The following GRB10 variants were observed in gnomAD, a reference collection of about 807,000 sequenced individuals.
The protein encoded by GRB10 is growth factor receptor-bound protein 10.
In GRB10, 20 loss-of-function variants were observed where a neutral mutation model predicts 80.9. The ratio of observed to expected loss-of-function variants is 0.25; its 90% CI spans 0.17 to 0.36. GRB10 has a LOEUF of 0.36. GRB10 is among the 10% of genes least tolerant of loss of function. The pLI is 1.00. For synonymous variants in GRB10, 291 were observed against 291.5 expected, an observed-to-expected ratio of 1.00 and a Z score of 0.02; for missense variants, 548 against 747.7, an observed-to-expected ratio of 0.73 and a Z score of 3.12.
chr7:50,732,735 T>C (rs552187690), intron 3 of GRB10, among the ~76,000 whole-genome samples: 1 of 152,304 alleles, frequency 6.6e-6, no homozygotes, highest in South Asian at 2.1e-4. Context: ...CTTTCGCAAA[T>C]AGGGATTCAG....
intron 3 of GRB10, chr7:50,747,633 T>A (rs1420157291): frequency 6.6e-6 from 1 of 152,124 alleles, no homozygotes; most frequent in African/African-American, 2.4e-5. Context: ...CATGCAAGCA[T>A]GGAGCAGGGC....
chr7:50,663,217 C>T (rs79173637), intron 7 of GRB10, among the ~76,000 whole-genome samples: 632 of 152,188 alleles, frequency 4.2e-3, no homozygotes, highest in Non-Finnish European at 7.2e-3. Context: ...GGAAGTGGGA[C>T]CCCAGGCAGC....
intron 7 of GRB10, among the ~76,000 whole-genome samples, chr7:50,632,122 C>G (rs540601317): frequency 7.2e-4 from 110 of 151,898 alleles, no homozygotes; most frequent in African/African-American, 2.5e-3. Context: ...TTAATCTCAC[C>G]AAAAAGGAAT....
At chr7:50,760,053 C>T (rs372024686) in intron 2 of GRB10, among the ~76,000 whole-genome samples, 4 of 152,178 alleles carry the variant, frequency 2.6e-5, no homozygotes, top group African/African-American at 9.7e-5. Context: ...AGCCACCAGC[C>T]GAGCAAGCAC....
intron 7 of GRB10, among the ~76,000 whole-genome samples, chr7:50,637,423 A>G (rs1417102521): frequency 6.6e-6 from 1 of 150,626 alleles, no homozygotes; most frequent in Non-Finnish European, 1.5e-5. Context: ...GAACTCAATC[A>G]TGTTTAAAAT....
At chr7:50,775,586 T>A (rs1483216418) in intron 2 of GRB10, among the ~76,000 whole-genome samples, 1 of 152,238 alleles carries the variant, frequency 6.6e-6, no homozygotes, top group African/African-American at 2.4e-5. Context: ...AAGACTCTGC[T>A]GGACATTGCC....
intron 5 of GRB10, among the ~76,000 whole-genome samples, chr7:50,698,452 T>C (rs562044413): frequency 6.6e-6 from 1 of 152,364 alleles, no homozygotes; most frequent in South Asian, 2.1e-4. Context: ...ATAAAAGGCA[T>C]TTTGTTCTTT....
chr7:50,632,949 C>T (rs1262940116), intron 7 of GRB10, among the ~76,000 whole-genome samples: 1 of 152,096 alleles, frequency 6.6e-6, no homozygotes, highest in African/African-American at 2.4e-5. Flanking sequence ...CCAGCTCTGC[C>T]GCCCCCAGCC....
chr7:50,609,702 G>C (rs1206806114), intron 13 of GRB10, among the ~76,000 whole-genome samples: 2 of 152,188 alleles, frequency 1.3e-5, no homozygotes, highest in Non-Finnish European at 2.9e-5. Flanking sequence ...TAGATTAAGA[G>C]ACTTCTAGAA....
intron 5 of GRB10, among the ~76,000 whole-genome samples, chr7:50,676,083 C>T (rs951133611): frequency 1.3e-5 from 2 of 152,188 alleles, no homozygotes; most frequent in Admixed American, 6.5e-5. Context: ...TGGAAGCTCA[C>T]ATAATTCGTC....
At chr7:50,695,494 C>T (rs1394281664) in intron 5 of GRB10, among the ~76,000 whole-genome samples, 4 of 152,200 alleles carry the variant, frequency 2.6e-5, no homozygotes, top group Non-Finnish European at 5.9e-5. Flanking sequence ...AAGAATATAA[C>T]GCAACCTTTA....
chr7:50,674,332 G>A (rs2060669021), intron 6 of GRB10, 104 bp downstream of exon 6: 1 of 1,153,364 alleles, frequency 8.7e-7, no homozygotes, highest in African/African-American at 1.5e-5. Flanking sequence ...GACTTTGCAA[G>A]ACCAACACTA....
intron 7 of GRB10, among the ~76,000 whole-genome samples, chr7:50,635,258 C>G (rs2054741864): frequency 1.3e-5 from 2 of 152,042 alleles, no homozygotes; most frequent in Non-Finnish European, 2.9e-5. Flanking sequence ...TACGTGGAAA[C>G]TAAAAAACGT....
intron 7 of GRB10, among the ~76,000 whole-genome samples, chr7:50,665,274 A>G (rs2059681959): frequency 1.3e-5 from 2 of 152,272 alleles, no homozygotes; most frequent in African/African-American, 4.8e-5. Context: ...GAAGCCATAG[A>G]GTACAACCTC....
chr7:50,762,848 T>C (rs1391790932), intron 2 of GRB10, among the ~76,000 whole-genome samples: 4 of 152,244 alleles, frequency 2.6e-5, no homozygotes, highest in Non-Finnish European at 5.9e-5. Context: ...CGGGGCGCAG[T>C]GGCTCACGCC....
chr7:50,635,851 T>C (rs181056215), intron 7 of GRB10, among the ~76,000 whole-genome samples: 1 of 111,496 alleles, frequency 9.0e-6, no homozygotes, highest in Non-Finnish European at 1.8e-5. Context: ...AAATCCTAAA[T>C]AGACAAGTAG....
At chr7:50,710,120 C>T (rs76958736) in intron 4 of GRB10, among the ~76,000 whole-genome samples, 6,134 of 152,162 alleles carry the variant, frequency 0.04, 212 homozygotes, top group East Asian at 0.17. Flanking sequence ...AAAAGTCTAC[C>T]TCCTCGTACC....
chr7:50,614,249 T>C (rs2050114632), intron 12 of GRB10, among the ~76,000 whole-genome samples: 1 of 152,188 alleles, frequency 6.6e-6, no homozygotes, highest in Admixed American at 6.5e-5. Flanking sequence ...TACATGTATG[T>C]ATGCACGTGT....
At chr7:50,787,622 T>C (rs1423231082), upstream of GRB10, among the ~76,000 whole-genome samples, 1 of 151,888 alleles carries the variant, frequency 6.6e-6, no homozygotes, top group Non-Finnish European at 1.5e-5. Flanking sequence ...CCTGCAGGCC[T>C]AGGTGGGGAG....
Sources: gnomAD v4.1 joint callset for allele counts (sites outside exome capture counted in the v4.1 genomes callset) on GRCh38, gnomAD v4.1.1 for gene constraint, MANE v1.5 for transcripts, NCBI Gene and HGNC (gene_info 2026-07-23, HGNC 2026-07-21) for gene names.